The following BMP2 variants were observed in gnomAD, a reference collection of about 807,000 sequenced individuals.
BMP2 encodes bone morphogenetic protein 2, also known as bone morphogenetic protein 2A.
BMP2 carries 2 observed loss-of-function variants against 28.8 expected under a neutral mutation model. The ratio of observed to expected loss-of-function variants is 0.07; its 90% CI spans 0.03 to 0.22. The LOEUF (loss-of-function observed/expected upper bound fraction) is 0.22. Ranked by LOEUF, BMP2 falls within the 10% of genes least tolerant of loss-of-function variation. The probability of loss-of-function intolerance (pLI) is 1.00; values close to 1 mark genes in which losing one functional copy is unlikely to be tolerated. For missense variants in BMP2, 437 were observed against 517.7 expected, an observed-to-expected ratio of 0.84 and a Z score of 1.51; for synonymous variants, 218 against 204.3, an observed-to-expected ratio of 1.07 and a Z score of -0.57.
intron 2 of BMP2, among the ~76,000 whole-genome samples, chr20:6,773,851 A>G (rs1170900314): frequency 2.6e-5 from 4 of 152,134 alleles, no homozygotes; most frequent in Admixed American, 1.3e-4. Flanking sequence ...GATTGCCAGC[A>G]TATCCCCAGG....
At chr20:6,777,456 A>G (rs1359805856) in intron 2 of BMP2, among the ~76,000 whole-genome samples, 2 of 152,108 alleles carry the variant, frequency 1.3e-5, no homozygotes, top group Non-Finnish European at 2.9e-5. Flanking sequence ...CAAACAGAAG[A>G]CAGGTCATTT....
rs1272009844 is a variant in BMP2 at position 6,770,291 on chromosome 20, G to T, written c.165G>T (p.Leu55Phe). The T allele has an allele frequency of 6.2e-7, 1 of 1,613,100 alleles. No homozygotes were observed. Among genetic ancestry groups the T allele is most frequent in the African/African-American group, 1.3e-5 (1 of 74,940 alleles). The change falls in exon 2 of 3, where the codon TTG becomes TTT. Residue 55 changes from leucine to phenylalanine, a missense_variant. Physicochemically the swap from Leu to Phe is conservative, Grantham distance 22 (BLOSUM62 0). Transcript: ENST00000378827. ...ACGAGGTCCTGAGCGAGTTCGAGTT[G>T]CGGCTGCTCAGCATGTTCGGCCTGA... ...PSDEVLSEFE[L>F]RLLSMFGLKQ...
At position 6,768,178 on chromosome 20, in the gene BMP2, C is replaced by G. The variant is rs894913430; in HGVS notation, c.-705C>G. On this transcript the variant is annotated 5_prime_UTR_variant, in exon 1 of 3. Transcript: ENST00000378827. Reference sequence around the variant, plus strand: ...CGCCTCGGCGGCCCGGGACTCGGCTCGACTCGCCGGAGAATGCGCCCGAGG... The same window carrying G: ...CGCCTCGGCGGCCCGGGACTCGGCTGGACTCGCCGGAGAATGCGCCCGAGG... The G allele has an allele frequency of 7.5e-6, 3 of 398,032 alleles. No homozygotes were observed. Among genetic ancestry groups the G allele is most frequent in the Middle Eastern group, 6.2e-4 (1 of 1,610 alleles). 24.7% of individuals were successfully genotyped at this position (398,032 alleles called of 1,614,324 possible).
At chr20:6,777,442 A>G (rs959061105) in intron 2 of BMP2, among the ~76,000 whole-genome samples, 1 of 152,118 alleles carries the variant, frequency 6.6e-6, no homozygotes, top group Non-Finnish European at 1.5e-5. Flanking sequence ...CTATAAAGGC[A>G]TTGCAAACAG....
intron 2 of BMP2, among the ~76,000 whole-genome samples, 180 bp downstream of exon 2, chr20:6,770,652 G>T (rs1986380541): frequency 6.6e-6 from 1 of 152,198 alleles, no homozygotes; most frequent in South Asian, 2.1e-4. Context: ...TGGTGGGGGA[G>T]CCAGGGATTC....
At chr20:6,774,616 T>C (rs978703852) in intron 2 of BMP2, among the ~76,000 whole-genome samples, 1 of 152,206 alleles carries the variant, frequency 6.6e-6, no homozygotes, top group Admixed American at 6.5e-5. Flanking sequence ...ATTTGCTAGC[T>C]CTGTGACCTT....
chr20:6,776,170 A>G (rs1425931825), intron 2 of BMP2, among the ~76,000 whole-genome samples: 1 of 152,184 alleles, frequency 6.6e-6, no homozygotes, highest in Non-Finnish European at 1.5e-5. Flanking sequence ...AGAAGAGTCC[A>G]GGTTCAAATG....
chr20:6,770,007 A>AGGAGGGCATCCT, intron 1 of BMP2, 113 bp from the exon 2 acceptor site: 1 of 1,128,156 alleles, frequency 8.9e-7, no homozygotes, highest in Non-Finnish European at 1.2e-6. Context: ...GTGCCAAGCC[A>AGGAGGGCATCCT]GGAGGGCATC....
At position 6,778,931 on chromosome 20, in the gene BMP2, G is replaced by A; in HGVS notation, c.1033G>A (p.Val345Ile). ...DHLNSTNHAI[V>I]QTLVNSVNSK... ...TCTGAACTCCACTAATCATGCCATT[G>A]TTCAGACGTTGGTCAACTCTGTTAA... Residue 345 changes from valine (V) to isoleucine (I), a missense_variant, in exon 3 of 3, where the codon GTT becomes ATT. Val to Ile is a conservative substitution (Grantham distance 29, BLOSUM62 3). This residue lies in a region of BMP2 where 74 missense variants were observed against 124.9 expected (regional missense o/e 0.59). Coordinates refer to ENST00000378827, the MANE Select transcript of BMP2 (RefSeq NM_001200.4). This position sits in a 1 kb window ranked among gnomAD's most constrained non-coding sequence, Gnocchi z 5.0. 6.2e-7 allele frequency: 1 copy of A among 1,613,894 alleles called. No homozygotes were observed. Among genetic ancestry groups the A allele is most frequent in the Non-Finnish European group, 8.5e-7 (1 of 1,180,002 alleles).
In BMP2 at chr20:6,770,595, G is replaced by A. The variant is rs1051639914; in HGVS notation, c.346+123G>A. ...GGCACCAGCGGACGTTTCCACTCTT[G>A]CTTCTGTACTATCGTTTCTGAATCT... is the stretch of plus-strand genomic sequence containing the variant. On this transcript the variant is annotated intron_variant, in intron 2 of 2. Transcript: ENST00000378827. 4.8e-4 allele frequency: 442 copies of A among 927,302 alleles called. 19 individuals carry two copies. The Admixed American group carries it at 0.013, about 26-fold the overall frequency. The allele number at this position is 927,302 out of a possible 1,614,324, so 57.4% of individuals were successfully genotyped here. A position where few individuals can be genotyped will look rare whatever the true frequency, so the allele number is the denominator to read the frequency against.
In BMP2 at chr20:6,770,189, G is replaced by C; in HGVS notation, c.63G>C (p.Ala21=). 1 of 1,585,158 alleles carries C rather than the reference G, an allele frequency of 6.3e-7. No individual in the cohort carries two copies. The highest frequency in any genetic ancestry group is 1.1e-5 in the South Asian group (1 of 87,648). The change falls in exon 2 of 3, where the codon GCG becomes GCC. Residue 21 remains alanine, a synonymous_variant. Transcript: ENST00000378827. Reference sequence around the variant, plus strand: ...TTCCCCAGGTCCTCCTGGGCGGCGCGGCTGGCCTCGTTCCGGAGCTGGGCC... The same window carrying C: ...TTCCCCAGGTCCTCCTGGGCGGCGCCGCTGGCCTCGTTCCGGAGCTGGGCC... ...LLLPQVLLGG[A]AGLVPELGRR...
chr20:6,779,105 T>C lies in BMP2; in HGVS notation c.*16T>C, dbSNP rs1469984844. 1 of 1,230,514 alleles carries C rather than the reference T, an allele frequency of 8.1e-7. No homozygotes were observed. Among genetic ancestry groups the C allele is most frequent in the Non-Finnish European group, 1.1e-6 (1 of 945,920 alleles). 76.2% of individuals were successfully genotyped at this position (1,230,514 alleles called of 1,614,324 possible). ...GTGTCGCTAGTACAGCAAAATTAAA[T>C]ACATAAATATATATATATATATATA... On this transcript the variant is annotated 3_prime_UTR_variant, in exon 3 of 3. Coordinates refer to ENST00000378827, the MANE Select transcript of BMP2 (RefSeq NM_001200.4).
At chr20:6,769,029 C>T (rs1013413847) in intron 1 of BMP2, among the ~76,000 whole-genome samples, 154 bp downstream of exon 1, 1 of 152,200 alleles carries the variant, frequency 6.6e-6, no homozygotes, top group African/African-American at 2.4e-5. Context: ...CTCCCACTTC[C>T]AGCTGCCCCG....
intron 1 of BMP2, 129 bp from the exon 2 acceptor site, chr20:6,769,991 G>T: frequency 1.1e-6 from 1 of 939,304 alleles, no homozygotes; most frequent in Non-Finnish European, 1.6e-6. Flanking sequence ...ACCTAGACTC[G>T]TGAGTGTGCC....
intron 2 of BMP2, among the ~76,000 whole-genome samples, chr20:6,777,862 A>T (rs759927392): frequency 2.3e-4 from 35 of 151,478 alleles, no homozygotes; most frequent in Non-Finnish European, 3.2e-4. Context: ...CACTCATTAG[A>T]CCTCTACTAA....
rs776338362 is a variant in BMP2, at chr20:6,770,545, G to A, written c.346+73G>A. ...CCTCCACCGTGGGCAGACTGCAGCC[G>A]TCCCTGTAGAGGCAGCTTGGCCGGG... On this transcript the variant is annotated intron_variant, in intron 2 of 2. Transcript: ENST00000378827. 1.4e-4 allele frequency: 200 copies of A among 1,436,102 alleles called. 2 individuals carry two copies. Among genetic ancestry groups the A allele is most frequent in the Middle Eastern group, 1.4e-3 (7 of 5,038 alleles). The allele number at this position is 1,436,102 out of a possible 1,614,324, so 89.0% of individuals were successfully genotyped here. A position where few individuals can be genotyped will look rare whatever the true frequency, so the allele number is the denominator to read the frequency against.
At chr20:6,774,716 A>G (rs973221707) in intron 2 of BMP2, among the ~76,000 whole-genome samples, 3 of 152,182 alleles carry the variant, frequency 2.0e-5, no homozygotes, top group Non-Finnish European at 2.9e-5. Flanking sequence ...TTGTTGTGAG[A>G]TAATTCATAT....
In BMP2 at chr20:6,778,672, A is replaced by G; in HGVS notation, c.774A>G (p.Ser258=). 6.2e-7 allele frequency: 1 copy of G among 1,614,182 alleles called. No homozygotes were observed. The highest frequency in any genetic ancestry group is 8.5e-7 in the Non-Finnish European group (1 of 1,180,020). The change falls in exon 3 of 3, where the codon TCA becomes TCG. Residue 258 remains serine (S), a synonymous_variant. Coordinates refer to ENST00000378827, the MANE Select transcript of BMP2 (RefSeq NM_001200.4). The surrounding 1 kb of genome is among the most constrained non-coding windows in gnomAD (Gnocchi z 5.0). ...TGCACCAAGATGAACACAGCTGGTCACAGATAAGGCCATTGCTAGTAACTT... is the reference window on the plus strand; with the variant it reads ...TGCACCAAGATGAACACAGCTGGTCGCAGATAAGGCCATTGCTAGTAACTT... The part of the protein sequence containing the change: ...RSLHQDEHSW[S]QIRPLLVTFG...
rs1325090264 is a variant in BMP2, at chr20:6,778,508, T to C, written c.610T>C (p.Trp204Arg). 1 of 1,613,814 alleles carries C rather than the reference T, an allele frequency of 6.2e-7. No individual in the cohort carries two copies. The highest frequency in any genetic ancestry group is 8.5e-7 in the Non-Finnish European group (1 of 1,179,984). ...GTTGGTGAATCAGAATGCAAGCAGG[T>C]GGGAAAGTTTTGATGTCACCCCCGC... ...TRLVNQNASR[W>R]ESFDVTPAVM... Residue 204 changes from tryptophan to arginine, a missense_variant, in exon 3 of 3, where the codon TGG becomes CGG. By Grantham distance (101) the Trp-to-Arg change is moderately radical. This residue lies in a region of BMP2 where 363 missense variants were observed against 392.8 expected (regional missense o/e 0.92). Coordinates refer to ENST00000378827, the MANE Select transcript of BMP2 (RefSeq NM_001200.4). This position sits in a 1 kb window ranked among gnomAD's most constrained non-coding sequence, Gnocchi z 5.0.
Sources: allele counts gnomAD v4.1 joint callset (sites outside exome capture counted in the v4.1 genomes callset), GRCh38; gene constraint gnomAD v4.1.1; regional missense constraint gnomAD v4.1.1; non-coding constraint Gnocchi (gnomAD v3.1); transcripts MANE v1.5; gene names NCBI Gene and HGNC (gene_info 2026-07-23, HGNC 2026-07-21).